Variants in ACOT12 observed in about 807,000 individuals in gnomAD.
ACOT12 encodes acetyl-coenzyme A thioesterase.
In ACOT12, 51 loss-of-function variants were observed where a neutral mutation model predicts 67.7. That is an observed-to-expected ratio of 0.75 (90% CI 0.60 to 0.95). The LOEUF is 0.95. Ranked by LOEUF, ACOT12 falls within the 40% of genes least tolerant of loss-of-function variation. ACOT12 has a pLI of 0.00. For synonymous variants in ACOT12, 251 were observed against 244.6 expected (o/e 1.03, Z -0.24); for missense variants, 734 against 708.1 (o/e 1.04, Z -0.41).
intron 13 of ACOT12, 117 bp from the exon 14 acceptor site, chr5:81,331,057 G>A (rs1212258042): frequency 8.3e-7 from 1 of 1,198,442 alleles, no homozygotes; most frequent in Non-Finnish European, 1.1e-6. Context: ...TGAAGGCCCA[G>A]ATCTTCTAGA....
chr5:81,325,140 A>C (rs760350645), downstream of ACOT12, among the ~76,000 whole-genome samples: 20 of 152,350 alleles, frequency 1.3e-4, no homozygotes, highest in Non-Finnish European at 2.4e-4. Flanking sequence ...TATTTCATCC[A>C]TTATAACAGA....
At chr5:81,315,252 A>C in the ACOT12 span, among the ~76,000 whole-genome samples, 1 of 152,074 alleles carries the variant, frequency 6.6e-6, no homozygotes, top group Non-Finnish European at 1.5e-5. Flanking sequence ...CACTACAATT[A>C]TGTTCCAAGC....
chr5:81,368,716 A>G (rs907221010), intron 3 of ACOT12, among the ~76,000 whole-genome samples: 3 of 152,120 alleles, frequency 2.0e-5, no homozygotes, highest in African/African-American at 7.2e-5. Flanking sequence ...GAAAAGTTTA[A>G]TCAATTTCCC....
chr5:81,308,935 G>C, the ACOT12 span: 2 of 1,611,224 alleles, frequency 1.2e-6, no homozygotes, highest in Non-Finnish European at 1.7e-6. Flanking sequence ...AGGAACTGTT[G>C]ATTTTTACAG....
chr5:81,376,575 AATAG>A (rs942011109), intron 2 of ACOT12, among the ~76,000 whole-genome samples: 3 of 152,104 alleles, frequency 2.0e-5, no homozygotes, highest in African/African-American at 4.8e-5. Context: ...AACGTCAGCA[AATAG>A]ATAGACCCCT....
At chr5:81,318,091 C>T in the ACOT12 span, among the ~76,000 whole-genome samples, 2 of 151,998 alleles carry the variant, frequency 1.3e-5, no homozygotes, top group Non-Finnish European at 2.9e-5. Context: ...CCATGTTGGC[C>T]AGGCTAGTCT....
At chr5:81,362,273 C>A (rs535795488) in intron 4 of ACOT12, among the ~76,000 whole-genome samples, 2 of 150,942 alleles carry the variant, frequency 1.3e-5, no homozygotes, top group Admixed American at 1.3e-4. Context: ...TCAAGTGAGT[C>A]TCCTGTCTCA....
chr5:81,316,334 A>G, the ACOT12 span, among the ~76,000 whole-genome samples: 1 of 152,286 alleles, frequency 6.6e-6, no homozygotes, highest in Admixed American at 6.5e-5. Context: ...AGCTACTGGC[A>G]TCTACTAATT....
intron 11 of ACOT12, among the ~76,000 whole-genome samples, chr5:81,342,287 G>C (rs938937274): frequency 4.6e-5 from 7 of 152,168 alleles, no homozygotes; most frequent in African/African-American, 1.4e-4. Flanking sequence ...CAGCACACTC[G>C]ACCAAAAAAA....
intron 1 of ACOT12, 71 bp downstream of exon 1, chr5:81,393,917 C>CG: frequency 7.8e-7 from 1 of 1,274,874 alleles, no homozygotes; most frequent in Non-Finnish European, 9.9e-7. Context: ...TCCTACCCCC[C>CG]CCAGCCCCCA....
At chr5:81,323,930 ACATATATGTG>A in the ACOT12 span, among the ~76,000 whole-genome samples, 570 of 135,772 alleles carry the variant, frequency 4.2e-3, 4 homozygotes, top group Non-Finnish European at 7.5e-3. Context: ...GTGTATATAT[ACATATATGTG>A]TATATATATA....
intron 2 of ACOT12, among the ~76,000 whole-genome samples, chr5:81,384,554 C>T (rs750599177): frequency 6.6e-6 from 1 of 152,074 alleles, no homozygotes; most frequent in Non-Finnish European, 1.5e-5. Context: ...GTTTTCAGTA[C>T]AGTAACAGGC....
At chr5:81,370,106 C>A (rs1421474706) in intron 3 of ACOT12, among the ~76,000 whole-genome samples, 2 of 152,080 alleles carry the variant, frequency 1.3e-5, no homozygotes, top group Admixed American at 6.6e-5. Context: ...CATGGTGAAA[C>A]CCCATCTCTA....
intron 5 of ACOT12, among the ~76,000 whole-genome samples, chr5:81,354,532 C>G (rs567522296): frequency 6.6e-6 from 1 of 152,076 alleles, no homozygotes; most frequent in Non-Finnish European, 1.5e-5. Flanking sequence ...TCCTAGCAAC[C>G]CTTCCCAATA....
the ACOT12 span, among the ~76,000 whole-genome samples, chr5:81,315,023 T>C: frequency 6.6e-6 from 1 of 152,196 alleles, no homozygotes; most frequent in African/African-American, 2.4e-5. Flanking sequence ...CGGTCTTTTG[T>C]AAATTTCATC....
In ACOT12 at chr5:81,345,927, CGATCTCCAACTGTA is replaced by C; in HGVS notation, c.717_730del (p.Thr240SerfsTer16). On this transcript the variant is annotated frameshift_variant, in exon 7 of 15. Coordinates refer to ENST00000307624, the MANE Select transcript of ACOT12 (RefSeq NM_130767.3). LOFTEE classifies it high-confidence loss of function. ...GTTGACAATGGCAGTGAAGACAAGACGATCTCCAACTGTAGATGGTCCCCGGAACTTAAACATAT... is the reference window on the plus strand; with the variant it reads ...GTTGACAATGGCAGTGAAGACAAGACGATGGTCCCCGGAACTTAAACATAT... 1 of 1,613,972 alleles carries C rather than the reference CGATCTCCAACTGTA, an allele frequency of 6.2e-7. No homozygotes were observed. The highest frequency in any genetic ancestry group is 1.1e-5 in the South Asian group (1 of 91,078).
chr5:81,345,102 C>G, intron 7 of ACOT12, 61 bp from the exon 8 acceptor site: 1 of 669,714 alleles, frequency 1.5e-6, no homozygotes, highest in Non-Finnish European at 2.2e-6. Flanking sequence ...GCCCTCCTTG[C>G]ACACCGCTGC....
chr5:81,370,564 G>A lies in ACOT12; in HGVS notation c.258+1186C>T, dbSNP rs145121311. On this transcript the variant is annotated intron_variant, in intron 3 of 14. Transcript: ENST00000307624. ...GCAGACACCCACACAAGGAGAACAC[G>A]TGAAGATGAAGGCAGAGATCGGGTG... 7.2e-5 allele frequency among the ~76,000 whole-genome samples: 11 copies of A among 152,312 alleles called. No individual in the cohort carries two copies. The East Asian group carries it at 1.5e-3, about 21-fold the overall frequency.
At chr5:81,367,083 C>A (rs963886740) in intron 3 of ACOT12, among the ~76,000 whole-genome samples, 3 of 152,094 alleles carry the variant, frequency 2.0e-5, no homozygotes, top group African/African-American at 7.2e-5. Context: ...AGTCTGCTGC[C>A]AGGCTAGAAT....
Sources: gnomAD v4.1 joint callset for allele counts (sites outside exome capture counted in the v4.1 genomes callset) on GRCh38, gnomAD v4.1.1 for gene constraint, MANE v1.5 for transcripts, NCBI Gene and HGNC (gene_info 2026-07-23, HGNC 2026-07-21) for gene names.